AMBRA1: variants seen among roughly 807,000 people sequenced by gnomAD.
The protein encoded by AMBRA1 is autophagy and beclin 1 regulator 1.
A neutral mutation model predicts 125.4 loss-of-function variants in AMBRA1; 47 were observed. That is an observed-to-expected ratio of 0.37 (90% CI 0.30 to 0.48). AMBRA1 has a LOEUF of 0.48. Ranked by LOEUF, AMBRA1 falls within the 20% of genes least tolerant of loss-of-function variation. The probability of loss-of-function intolerance (pLI) is 0.99; values close to 1 mark genes in which losing one functional copy is unlikely to be tolerated. For synonymous variants in AMBRA1, 626 were observed against 655.5 expected, an observed-to-expected ratio of 0.95 and a Z score of 0.69; for missense variants, 1,331 against 1,693.4, an observed-to-expected ratio of 0.79 and a Z score of 3.76.
intron 17 of AMBRA1, among the ~76,000 whole-genome samples, chr11:46,402,368 T>C (rs929530713): frequency 2.0e-5 from 3 of 152,150 alleles, no homozygotes; most frequent in Admixed American, 2.0e-4. Context: ...ATTTATTTTA[T>C]TTTATTTTTT....
At chr11:46,558,988 A>C (rs1362575670) in intron 1 of AMBRA1, among the ~76,000 whole-genome samples, 1 of 152,196 alleles carries the variant, frequency 6.6e-6, no homozygotes, top group Non-Finnish European at 1.5e-5. Flanking sequence ...TTCAATTTCT[A>C]CAAGTCAAAT....
At chr11:46,486,195 T>G (rs540627726) in intron 11 of AMBRA1, among the ~76,000 whole-genome samples, 103 of 152,338 alleles carry the variant, frequency 6.8e-4, no homozygotes, top group Non-Finnish European at 1.4e-3. Flanking sequence ...GATGTTGAGT[T>G]GGAATGTGCC....
chr11:46,513,587 AC>A (rs989721206), intron 7 of AMBRA1, among the ~76,000 whole-genome samples: 1 of 152,212 alleles, frequency 6.6e-6, no homozygotes, highest in African/African-American at 2.4e-5. Context: ...ACTCTGTGGC[AC>A]ATAACTATTA....
At chr11:46,574,384 T>A (rs1040366410) in intron 1 of AMBRA1, among the ~76,000 whole-genome samples, 2 of 151,510 alleles carry the variant, frequency 1.3e-5, no homozygotes, top group Admixed American at 6.6e-5. Context: ...GGTATCTCAT[T>A]GTGGTTTTGA....
intron 9 of AMBRA1, among the ~76,000 whole-genome samples, chr11:46,498,469 T>A (rs542438160): frequency 4.6e-5 from 7 of 151,580 alleles, no homozygotes; most frequent in African/African-American, 1.7e-4. Flanking sequence ...TGGGAAGGAG[T>A]AGGGGGAAAA....
At chr11:46,428,858 C>T (rs911947958) in intron 14 of AMBRA1, 19 of 1,611,516 alleles carry the variant, frequency 1.2e-5, no homozygotes, top group African/African-American at 6.7e-5. Context: ...AGTCTCTGGA[C>T]GGCTACGGCG....
intron 9 of AMBRA1, among the ~76,000 whole-genome samples, chr11:46,502,862 C>T (rs1391632585): frequency 2.0e-5 from 3 of 151,934 alleles, no homozygotes; most frequent in African/African-American, 7.3e-5. Flanking sequence ...AGTTCAAGAC[C>T]ATCCTGGCTA....
chr11:46,584,592 T>C (rs374478868), intron 1 of AMBRA1, among the ~76,000 whole-genome samples: 2 of 151,940 alleles, frequency 1.3e-5, no homozygotes, highest in East Asian at 1.9e-4. Flanking sequence ...TCTGCTATAA[T>C]CACTAGAAAG....
chr11:46,527,727 A>G (rs962443953), intron 7 of AMBRA1, among the ~76,000 whole-genome samples: 5 of 152,104 alleles, frequency 3.3e-5, no homozygotes, highest in African/African-American at 4.8e-5. Context: ...TCATTAGGGA[A>G]ATGCAAAGCA....
chr11:46,584,602 G>T (rs927980409), intron 1 of AMBRA1, among the ~76,000 whole-genome samples: 5 of 151,768 alleles, frequency 3.3e-5, no homozygotes, highest in African/African-American at 1.2e-4. Flanking sequence ...TCACTAGAAA[G>T]AATTTTTTTT....
At chr11:46,529,884 T>C (rs1952136692) in intron 7 of AMBRA1, among the ~76,000 whole-genome samples, 2 of 152,172 alleles carry the variant, frequency 1.3e-5, no homozygotes, top group African/African-American at 2.4e-5. Flanking sequence ...TTGTCAGGAA[T>C]GCTTCCAAGA....
chr11:46,528,235 C>T (rs545284658), intron 7 of AMBRA1, among the ~76,000 whole-genome samples: 2 of 152,282 alleles, frequency 1.3e-5, no homozygotes, highest in East Asian at 1.9e-4. Flanking sequence ...TGCAGTGGCA[C>T]GATCCCGGCT....
chr11:46,443,803 A>C (rs1466508106), intron 11 of AMBRA1, among the ~76,000 whole-genome samples: 1 of 152,242 alleles, frequency 6.6e-6, no homozygotes, highest in East Asian at 1.9e-4. Context: ...CAATGTGGAA[A>C]TATAATCCCA....
In AMBRA1 at chr11:46,405,058, C is replaced by G. The variant is rs142052715; in HGVS notation, c.3403+3455G>C. Among the ~76,000 whole-genome samples the G allele has an allele frequency of 9.2e-5, 14 of 152,338 alleles. No homozygotes were observed. In the East Asian group the frequency reaches 2.5e-3, roughly 27 times the overall value. ...CAGTTCTCCACATGCACCAGACATGCCATGAACACAAATTAGTGGTCCTTT... is the reference window on the plus strand; with the variant it reads ...CAGTTCTCCACATGCACCAGACATGGCATGAACACAAATTAGTGGTCCTTT... On this transcript the variant is annotated intron_variant, in intron 17 of 17. Transcript: ENST00000683756.
chr11:46,466,154 A>G (rs890047835), intron 11 of AMBRA1, among the ~76,000 whole-genome samples: 2 of 152,202 alleles, frequency 1.3e-5, no homozygotes, highest in Non-Finnish European at 2.9e-5. Context: ...TGGAGCCTAC[A>G]ATCCAGTTGG....
intron 1 of AMBRA1, among the ~76,000 whole-genome samples, chr11:46,592,324 C>A (rs1465363483): frequency 6.6e-6 from 1 of 152,074 alleles, no homozygotes; most frequent in Non-Finnish European, 1.5e-5. Flanking sequence ...AGTCCCCAGA[C>A]TTTCCAAGCT....
Position 46,408,722 on chromosome 11 carries a change from C to A in AMBRA1, c.3210-16G>T. 1 of 1,508,362 alleles carries A rather than the reference C, an allele frequency of 6.6e-7. No homozygotes were observed. The highest frequency in any genetic ancestry group is 1.3e-5 in the South Asian group (1 of 76,116). The allele number at this position is 1,508,362 out of a possible 1,614,324, so 93.4% of individuals were successfully genotyped here. A position where few individuals can be genotyped will look rare whatever the true frequency, so the allele number is the denominator to read the frequency against. On this transcript the variant is annotated splice_polypyrimidine_tract_variant and intron_variant, in intron 16 of 17. Transcript: ENST00000683756. Reference sequence around the variant, plus strand: ...TCTGCTGGTTCTAGGGAGAGAAAGGCAGACTAAAGTCAGATGGGGCTTGGG... The same window carrying A: ...TCTGCTGGTTCTAGGGAGAGAAAGGAAGACTAAAGTCAGATGGGGCTTGGG...
intron 1 of AMBRA1, among the ~76,000 whole-genome samples, chr11:46,581,723 C>T (rs1451269212): frequency 6.6e-6 from 1 of 151,004 alleles, no homozygotes; most frequent in Non-Finnish European, 1.5e-5. Flanking sequence ...TCGCTTGAAC[C>T]CAGGAGGCAG....
chr11:46,402,328 G>A (rs1324599502), intron 17 of AMBRA1, among the ~76,000 whole-genome samples: 8 of 152,144 alleles, frequency 5.3e-5, no homozygotes, highest in Non-Finnish European at 1.0e-4. Flanking sequence ...TTGGAAAACC[G>A]GTCTTGTAAC....
Sources: gnomAD v4.1 joint callset for allele counts (sites outside exome capture counted in the v4.1 genomes callset) on GRCh38, gnomAD v4.1.1 for gene constraint, MANE v1.5 for transcripts, NCBI Gene and HGNC (gene_info 2026-07-23, HGNC 2026-07-21) for gene names.